Variants in POLR2H observed in about 807,000 individuals in gnomAD.
POLR2H encodes RNA polymerase II, I and III subunit H.
A neutral mutation model predicts 18.1 loss-of-function variants in POLR2H; 3 were observed. The ratio of observed to expected loss-of-function variants is 0.17; its 90% CI spans 0.08 to 0.43. The LOEUF is 0.43. Ranked by LOEUF, POLR2H falls within the 20% of genes least tolerant of loss-of-function variation. POLR2H has a pLI of 0.99. For synonymous variants in POLR2H, 76 were observed against 69.0 expected (o/e 1.10, Z -0.50); for missense variants, 103 against 184.6 (o/e 0.56, Z 2.56).
Position 184,362,896 on chromosome 3 carries a change from C to T in POLR2H, c.-597C>T, listed in dbSNP as rs1461861210. ...AGCGACGTCATGGCAAATTCCCAAA[C>T]TGGACGGATCCGGCTCGGGTTACGT... On this transcript the variant is annotated 5_prime_UTR_variant, in exon 2 of 6. Transcript: ENST00000456318. The surrounding 1 kb of genome is among the most constrained non-coding windows in gnomAD (Gnocchi z 5.9). 1 of 158,884 alleles carries T rather than the reference C, an allele frequency of 6.3e-6. No individual in the cohort carries two copies. Among genetic ancestry groups the T allele is most frequent in the Non-Finnish European group, 1.4e-5 (1 of 72,226 alleles). 9.8% of individuals were successfully genotyped at this position (158,884 alleles called of 1,614,324 possible).
At chr3:184,365,296 C>G in intron 4 of POLR2H, 70 bp downstream of exon 4, 1 of 936,596 alleles carries the variant, frequency 1.1e-6, no homozygotes, top group Non-Finnish European at 1.8e-6. Context: ...TATAGAAAGA[C>G]TCTTCTAAAA....
chr3:184,367,378 G>GT (rs1328861267), intron 5 of POLR2H, among the ~76,000 whole-genome samples: 1 of 151,756 alleles, frequency 6.6e-6, no homozygotes, highest in Non-Finnish European at 1.5e-5. Flanking sequence ...CTGGTGTTCT[G>GT]TTTTTTTCTT....
rs1395233058 is a variant in POLR2H, at chr3:184,362,477, C to T, written c.-621+331C>T. The T allele has an allele frequency of 1.3e-5, 2 of 152,376 alleles. No individual in the cohort carries two copies. Among genetic ancestry groups the T allele is most frequent in the East Asian group, 2.0e-4 (1 of 5,110 alleles). The allele number at this position is 152,376 out of a possible 1,614,324, so 9.4% of individuals were successfully genotyped here. ...GCGAGGGCAGCGCCCAGGAAACGCA[C>T]AAGTGTGCGGGAGAGCCAGCACCAG... On this transcript the variant is annotated intron_variant, in intron 1 of 5. Coordinates refer to ENST00000456318, the MANE Select transcript of POLR2H (RefSeq NM_006232.5). The surrounding 1 kb of genome is among the most constrained non-coding windows in gnomAD (Gnocchi z 5.9).
At chr3:184,365,102 C>A in intron 3 of POLR2H, 31 bp from the exon 4 acceptor site, 1 of 1,586,580 alleles carries the variant, frequency 6.3e-7, no homozygotes, top group Non-Finnish European at 8.7e-7. Flanking sequence ...TTCTGCTATT[C>A]TTTACTCTCT....
intron 2 of POLR2H, 99 bp downstream of exon 2, chr3:184,363,664 C>A: frequency 1.2e-6 from 1 of 859,146 alleles, no homozygotes; most frequent in Non-Finnish European, 1.9e-6. Context: ...CTGCCCCTAC[C>A]AGCAGGTCCT....
At chr3:184,365,511 GAAAA>G in intron 4 of POLR2H, 1 of 261,150 alleles carries the variant, frequency 3.8e-6, no homozygotes, top group Non-Finnish European at 7.1e-6. Context: ...AAAGAAGAGA[GAAAA>G]AAAAAAAAGG....
In POLR2H at chr3:184,365,206, C is replaced by T. The variant is rs200954315; in HGVS notation, c.231C>T (p.Pro77=). The T allele has an allele frequency of 6.2e-6, 10 of 1,610,354 alleles. No homozygotes were observed. The South Asian group carries it at 8.8e-5, about 14-fold the overall frequency. ...CCCTGGATGATGGTGAATACAACCC[C>T]ACTGATGATAGGCCTTCCAGGTGAG... ...DGTLDDGEYN[P]TDDRPSRADQ... The change falls in exon 4 of 6, where the codon CCC becomes CCT. Residue 77 remains proline (P), a synonymous_variant. Coordinates refer to ENST00000456318, the MANE Select transcript of POLR2H (RefSeq NM_006232.5).
In POLR2H at chr3:184,365,198, T is replaced by C. The variant is rs754369726; in HGVS notation, c.223T>C (p.Tyr75His). The change falls in exon 4 of 6, where the codon TAC (tyrosine) becomes CAC (histidine). Residue 75 changes from tyrosine to histidine, a missense_variant. Physicochemically the swap from Tyr to His is moderately conservative, Grantham distance 83. Transcript: ENST00000456318. ...AGATGGTACCCTGGATGATGGTGAA[T>C]ACAACCCCACTGATGATAGGCCTTC... Reference protein sequence around the residue: ...YEDGTLDDGEYNPTDDRPSRA... With the variant: ...YEDGTLDDGEHNPTDDRPSRA... The C allele has an allele frequency of 6.8e-6, 11 of 1,612,534 alleles. No individual in the cohort carries two copies. The highest frequency in any genetic ancestry group is 8.5e-6 in the Non-Finnish European group (10 of 1,178,658).
intron 4 of POLR2H, among the ~76,000 whole-genome samples, chr3:184,365,843 G>C (rs928625521): frequency 2.9e-4 from 44 of 150,080 alleles, no homozygotes; most frequent in African/African-American, 1.1e-3. Flanking sequence ...GGGCGTAGTG[G>C]CGGGCGCCTG....
Position 184,363,400 on chromosome 3 carries a change from G to C in POLR2H, c.-93G>C. On this transcript the variant is annotated 5_prime_UTR_variant, in exon 2 of 6. Transcript: ENST00000456318. The stretch of plus-strand genomic sequence containing the variant: ...GCCGCGCTTTCAGGAGGTGCTTTTG[G>C]TTCTCTCCGGTCTTGTCCACGCTAG... 9.2e-7 allele frequency: 1 copy of C among 1,083,478 alleles called. No individual in the cohort carries two copies. The highest frequency in any genetic ancestry group is 1.4e-6 in the Non-Finnish European group (1 of 710,704). 67.1% of individuals were successfully genotyped at this position (1,083,478 alleles called of 1,614,324 possible).
intron 2 of POLR2H, 102 bp from the exon 3 acceptor site, chr3:184,364,864 G>A (rs1298283706): frequency 1.3e-6 from 1 of 762,838 alleles, no homozygotes; most frequent in Non-Finnish European, 2.3e-6. Flanking sequence ...AGAGACCACT[G>A]GATGTAGACT....
At chr3:184,368,048 G>C in intron 5 of POLR2H, 129 bp from the exon 6 acceptor site, 3 of 1,350,786 alleles carry the variant, frequency 2.2e-6, no homozygotes, top group Non-Finnish European at 3.1e-6. Flanking sequence ...CCTGTGCATT[G>C]ATCTTTGTCA....
Position 184,363,470 on chromosome 3 carries a change from G to C in POLR2H, c.-23G>C. On this transcript the variant is annotated 5_prime_UTR_variant, in exon 2 of 6. Transcript: ENST00000456318. ...CTGTGGTCGCGCTCTCACCCCTTCT[G>C]CTGCTCTCGTGGCCCCCTCGCGATG... 6.2e-7 allele frequency: 1 copy of C among 1,607,824 alleles called. No homozygotes were observed. The highest frequency in any genetic ancestry group is 2.2e-5 in the East Asian group (1 of 44,844).
chr3:184,361,737 G>C lies in POLR2H; in HGVS notation c.-1030G>C, dbSNP rs1016296847. On this transcript the variant is annotated 5_prime_UTR_variant, in exon 1 of 6. Coordinates refer to ENST00000456318, the MANE Select transcript of POLR2H (RefSeq NM_006232.5). This position sits in a 1 kb window ranked among gnomAD's most constrained non-coding sequence, Gnocchi z 6.6. ...CCGGAGGGGACGGCCCAGCCAGGCT[G>C]GGGTCCGCGCGGGGCCTCCCGAGAG... 27 of 185,542 alleles carry C rather than the reference G, an allele frequency of 1.5e-4. No individual in the cohort carries two copies. Among genetic ancestry groups the C allele is most frequent in the Non-Finnish European group, 2.0e-4 (18 of 90,958 alleles). The allele number at this position is 185,542 out of a possible 1,614,324, so 11.5% of individuals were successfully genotyped here.
intron 2 of POLR2H, 107 bp downstream of exon 2, chr3:184,363,672 C>T: frequency 1.3e-6 from 1 of 789,034 alleles, no homozygotes; most frequent in East Asian, 2.5e-5. Context: ...ACCAGCAGGT[C>T]CTGGTGTAGG....
intron 4 of POLR2H, chr3:184,366,504 AT>A (rs1241728215): frequency 1.5e-4 from 51 of 349,726 alleles, no homozygotes; most frequent in South Asian, 7.9e-4. Flanking sequence ...CGCCCGGCTA[AT>A]TTTTTTGTAT....
intron 5 of POLR2H, 53 bp from the exon 6 acceptor site, chr3:184,368,124 G>C: frequency 6.2e-7 from 1 of 1,613,464 alleles, no homozygotes; most frequent in Non-Finnish European, 8.5e-7. Flanking sequence ...CTGAGATTGA[G>C]AGCTGCTGAG....
Position 184,364,991 on chromosome 3 carries a change from A to G in POLR2H, c.99A>G (p.Glu33=). Residue 33 remains glutamate (E), a synonymous_variant, in exon 3 of 6, where the codon GAA becomes GAG. Coordinates refer to ENST00000456318, the MANE Select transcript of POLR2H (RefSeq NM_006232.5). The part of the protein sequence containing the change: ...DRVSRLHCES[E]SFKMDLILDV... ...TGTCTCGACTGCATTGTGAGAGTGA[A>G]TCTTTCAAGATGGATCTAATCTTAG... is the stretch of plus-strand genomic sequence containing the variant. 2.5e-6 allele frequency: 4 copies of G among 1,612,124 alleles called. No individual in the cohort carries two copies. The highest frequency in any genetic ancestry group is 3.4e-6 in the Non-Finnish European group (4 of 1,178,130).
chr3:184,366,838 C>T, intron 5 of POLR2H, 38 bp downstream of exon 5: 2 of 1,231,578 alleles, frequency 1.6e-6, no homozygotes, highest in Non-Finnish European at 2.4e-6. Flanking sequence ...TTTTCCTCTT[C>T]CATGTTCTGA....
Sources: allele counts gnomAD v4.1 joint callset (sites outside exome capture counted in the v4.1 genomes callset), GRCh38; gene constraint gnomAD v4.1.1; non-coding constraint Gnocchi (gnomAD v3.1); transcripts MANE v1.5; gene names NCBI Gene and HGNC (gene_info 2026-07-23, HGNC 2026-07-21).